The following ARHGEF1 variants were observed in gnomAD, a reference collection of about 807,000 sequenced individuals.
ARHGEF1 encodes 115 kDa guanine nucleotide exchange factor.
Under a neutral mutation model 119.7 loss-of-function variants are expected in ARHGEF1, and 40 were observed. The ratio of observed to expected loss-of-function variants is 0.33; its 90% confidence interval spans 0.26 to 0.44. The LOEUF (loss-of-function observed/expected upper bound fraction) is 0.44, where lower values mean the gene tolerates loss of function less well. Among genes scored for constraint, ARHGEF1 ranks in the 20% least tolerant of loss-of-function variants. ARHGEF1 has a pLI of 1.00. For synonymous variants in ARHGEF1, 494 were observed against 521.0 expected (o/e 0.95, Z 0.71); for missense variants, 976 against 1,268.3 (o/e 0.77, Z 3.50).
exon 3 of ARHGEF1, chr19:41,930,057 G>T (rs2074895619): frequency 6.6e-6 from 1 of 152,258 alleles, no homozygotes; most frequent in South Asian, 2.1e-4. Flanking sequence ...AGCTGGTACT[G>T]CACCAAGTAC....
Position 41,894,791 on chromosome 19 carries a change from G to A in ARHGEF1, c.877+130G>A, listed in dbSNP as rs1220948796. The A allele has an allele frequency of 1.2e-5, 13 of 1,105,354 alleles. No individual in the cohort carries two copies. In the African/African-American group the frequency reaches 1.6e-4, roughly 13 times the overall value. 68.5% of individuals were successfully genotyped at this position (1,105,354 alleles called of 1,614,324 possible). On this transcript the variant is annotated intron_variant, in intron 11 of 28. Transcript: ENST00000354532. ...GGTTCTGAGGGAGGAGGGGATGGGG[G>A]CCTGGACACCTGGGTCTGAGGGAGG...
chr19:41,926,463 C>G (rs2074870919), intron 1 of ARHGEF1, among the ~76,000 whole-genome samples: 1 of 152,072 alleles, frequency 6.6e-6, no homozygotes, highest in Non-Finnish European at 1.5e-5. Context: ...AGGTTAGTTA[C>G]CTGAGGCCAC....
chr19:41,916,075 T>C lies in ARHGEF1; in HGVS notation c.1866-7017T>C, dbSNP rs1184160632. Among the ~76,000 whole-genome samples the C allele has an allele frequency of 2.6e-5, 4 of 151,824 alleles. No homozygotes were observed. The highest frequency in any genetic ancestry group is 4.4e-5 in the Non-Finnish European group (3 of 67,958). On this transcript the variant is annotated intron_variant, in intron 18 of 20. Transcript: ENST00000599589. This position sits in a 1 kb window ranked among gnomAD's most constrained non-coding sequence, Gnocchi z 5.4. The stretch of plus-strand genomic sequence containing the variant: ...CCATGGCACCGAATGTGTGTGCGCA[T>C]GTGAGCGAAGCGGTGTGCAGAGGCG...
downstream of ARHGEF1, chr19:41,909,193 G>T: frequency 8.1e-7 from 1 of 1,231,562 alleles, no homozygotes; most frequent in Non-Finnish European, 1.0e-6. The surrounding 1 kb of genome is among the most constrained non-coding windows in gnomAD (Gnocchi z 5.2). Context: ...GAGGGAGTGG[G>T]AGAAGCCGCC....
At chr19:41,913,289 C>T (rs1555851428) in intron 18 of ARHGEF1, among the ~76,000 whole-genome samples, 4 of 150,698 alleles carry the variant, frequency 2.7e-5, no homozygotes, top group African/African-American at 2.4e-5. Context: ...GCCGCTCGCG[C>T]CCCGCACCGT....
intron 1 of ARHGEF1, among the ~76,000 whole-genome samples, chr19:41,926,185 G>T (rs1048385390): frequency 1.1e-4 from 17 of 151,970 alleles, no homozygotes; most frequent in Non-Finnish European, 1.5e-5. Context: ...TAGAGAACAG[G>T]TATTACCTGG....
chr19:41,893,075 C>T (rs2074403862), intron 7 of ARHGEF1, 199 bp from the exon 8 acceptor site: 7 of 1,001,324 alleles, frequency 7.0e-6, no homozygotes, highest in Non-Finnish European at 8.6e-6. Flanking sequence ...TGTCCATGAT[C>T]TGGCACTTGG....
Position 41,905,487 on chromosome 19 carries a change from G to A in ARHGEF1, c.2336+226G>A, listed in dbSNP as rs994883899. On this transcript the variant is annotated intron_variant, in intron 24 of 28. Coordinates refer to ENST00000354532, the MANE Select transcript of ARHGEF1 (RefSeq NM_004706.4). This position sits in a 1 kb window ranked among gnomAD's most constrained non-coding sequence, Gnocchi z 6.4. ...GCATGTGTGTGCGTGTATGGTGTGT[G>A]TGTATGCATATGTGTGCATGCGTGT... 8.1e-6 allele frequency: 5 copies of A among 613,956 alleles called. No individual in the cohort carries two copies. The highest frequency in any genetic ancestry group is 2.0e-5 in the South Asian group (1 of 51,052). 38.0% of individuals were successfully genotyped at this position (613,956 alleles called of 1,614,324 possible).
At chr19:41,911,202 A>ACATGCAGAGGGGAGTACTCCACTGTCCG (rs1599671604), downstream of ARHGEF1, among the ~76,000 whole-genome samples, 1 of 151,960 alleles carries the variant, frequency 6.6e-6, no homozygotes, top group East Asian at 1.9e-4. Flanking sequence ...TCCACTGTCC[A>ACATGCAGAGGGGAGTACTCCACTGTCCG]CATACCCCCA....
rs2074616505 is a variant in ARHGEF1 at position 41,902,267 on chromosome 19, C to T, written c.1415-7C>T. The T allele has an allele frequency of 1.9e-6, 3 of 1,614,002 alleles. No individual in the cohort carries two copies. Among genetic ancestry groups the T allele is most frequent in the Non-Finnish European group, 2.5e-6 (3 of 1,179,990 alleles). On this transcript the variant is annotated splice_region_variant and splice_polypyrimidine_tract_variant and intron_variant, in intron 15 of 28. Transcript: ENST00000354532. This position sits in a 1 kb window ranked among gnomAD's most constrained non-coding sequence, Gnocchi z 6.5. ...GGTGGAGCATCCCTTTCCTCCTGCC[C>T]CCACAGCCCTGTTCCTCGATCGCCT...
upstream of ARHGEF1, among the ~76,000 whole-genome samples, chr19:41,921,102 C>T (rs556359723): frequency 3.9e-4 from 60 of 152,252 alleles, no homozygotes; most frequent in African/African-American, 1.3e-3. The surrounding 1 kb of genome is among the most constrained non-coding windows in gnomAD (Gnocchi z 4.4). Context: ...CCACGCACCC[C>T]GCCTACCAAA....
In ARHGEF1 at chr19:41,892,309, C is replaced by T. The variant is rs781975788; in HGVS notation, c.325-22C>T. 1.9e-6 allele frequency: 3 copies of T among 1,613,532 alleles called. No individual in the cohort carries two copies. The South Asian group carries it at 3.3e-5, about 18-fold the overall frequency. ...TCAGCACACCAAGTCCTCCTCTTCA[C>T]CCCATTCTCTCTCTTGAGCAGGTTC... On this transcript the variant is annotated intron_variant, in intron 5 of 28. Coordinates refer to ENST00000354532, the MANE Select transcript of ARHGEF1 (RefSeq NM_004706.4). The surrounding 1 kb of genome is among the most constrained non-coding windows in gnomAD (Gnocchi z 6.3).
intron 2 of ARHGEF1, among the ~76,000 whole-genome samples, chr19:41,929,160 T>C (rs1555853631): frequency 1.3e-5 from 2 of 150,736 alleles, no homozygotes; most frequent in Non-Finnish European, 3.0e-5. Context: ...GAGAAACATA[T>C]GCACAAACAC....
chr19:41,896,436 T>G lies in ARHGEF1; in HGVS notation c.1075T>G (p.Ser359Ala). The change falls in exon 13 of 29, where the codon TCC (serine) becomes GCC (alanine). Residue 359 changes from serine to alanine, a missense_variant. Physicochemically the swap from Ser to Ala is moderately conservative, Grantham distance 99. Around this residue, in one of 3 missense-constraint regions of ARHGEF1, gnomAD observed 519 missense variants for 580.9 expected, o/e 0.89. Transcript: ENST00000354532. ...CCCGCAGGGCCCAATGAGCCTGGAG[T>G]CCTTGGCGCCCCCAGAGAGTACCGA... ...SSPQGPMSLE[S>A]LAPPESTDEG... 2 of 1,461,184 alleles carry G rather than the reference T, an allele frequency of 1.4e-6. No homozygotes were observed. The highest frequency in any genetic ancestry group is 2.5e-5 in the East Asian group (1 of 40,152). The allele number at this position is 1,461,184 out of a possible 1,614,324, so 90.5% of individuals were successfully genotyped here. A position where few individuals can be genotyped will look rare whatever the true frequency, so the allele number is the denominator to read the frequency against.
chr19:41,893,309 G>T lies in ARHGEF1; in HGVS notation c.644+6G>T, dbSNP rs782612208. On this transcript the variant is annotated splice_donor_region_variant and intron_variant, in intron 8 of 28. Coordinates refer to ENST00000354532, the MANE Select transcript of ARHGEF1 (RefSeq NM_004706.4). ...TCTACCGACGAAGAAAAGAGGTGAG[G>T]GGGGCAGGGGAGGCGTGCGGCCTCC... The T allele has an allele frequency of 4.4e-6, 7 of 1,607,296 alleles. No homozygotes were observed. The Admixed American group carries it at 1.2e-4, about 27-fold the overall frequency.
intron 18 of ARHGEF1, among the ~76,000 whole-genome samples, chr19:41,914,347 GTCTC>G (rs1260692619): frequency 1.4e-5 from 2 of 144,070 alleles, no homozygotes; most frequent in African/African-American, 2.6e-5. Context: ...TTCCATTTCT[GTCTC>G]TCTCCTCCAC....
At position 41,906,677 on chromosome 19, in the gene ARHGEF1, C is replaced by G; in HGVS notation, c.2656-26C>G. 1 of 1,600,042 alleles carries G rather than the reference C, an allele frequency of 6.2e-7. No individual in the cohort carries two copies. Among genetic ancestry groups the G allele is most frequent in the Non-Finnish European group, 8.5e-7 (1 of 1,175,272 alleles). ...TGGGCTGGGGAAGGAAGGGGCCCCC[C>G]TCATCCATGACCCCCACCCCACCAG... On this transcript the variant is annotated intron_variant, in intron 27 of 28. Coordinates refer to ENST00000354532, the MANE Select transcript of ARHGEF1 (RefSeq NM_004706.4). The surrounding 1 kb of genome is among the most constrained non-coding windows in gnomAD (Gnocchi z 4.5).
Position 41,888,731 on chromosome 19 carries a change from C to A in ARHGEF1, c.112-21C>A. The A allele has an allele frequency of 6.2e-7, 1 of 1,609,792 alleles. No individual in the cohort carries two copies. The highest frequency in any genetic ancestry group is 1.1e-5 in the South Asian group (1 of 90,932). On this transcript the variant is annotated intron_variant, in intron 3 of 28. Transcript: ENST00000354532. This position sits in a 1 kb window ranked among gnomAD's most constrained non-coding sequence, Gnocchi z 5.1. ...CCCCTCCTCTTCTCCCCATTGTACTCACCCCTTCCTGCACCCCCAGAACTC... is the reference window on the plus strand; with the variant it reads ...CCCCTCCTCTTCTCCCCATTGTACTAACCCCTTCCTGCACCCCCAGAACTC...
In ARHGEF1 at chr19:41,906,319, C is replaced by A. The variant is rs2074694625; in HGVS notation, c.2492-138C>A. ...TCACTTCTTCACCTCCCTTTGGATC[C>A]CCGAACCCCATCTGCTCAGCCTTGC... On this transcript the variant is annotated intron_variant, in intron 26 of 28. Coordinates refer to ENST00000354532, the MANE Select transcript of ARHGEF1 (RefSeq NM_004706.4). This position sits in a 1 kb window ranked among gnomAD's most constrained non-coding sequence, Gnocchi z 4.5. The A allele has an allele frequency of 1.1e-6, 1 of 881,910 alleles. No homozygotes were observed. The highest frequency in any genetic ancestry group is 1.7e-6 in the Non-Finnish European group (1 of 580,960). 54.6% of individuals were successfully genotyped at this position (881,910 alleles called of 1,614,324 possible). A position where few individuals can be genotyped will look rare whatever the true frequency, so the allele number is the denominator to read the frequency against.
Sources: allele counts gnomAD v4.1 joint callset (sites outside exome capture counted in the v4.1 genomes callset), GRCh38; gene constraint gnomAD v4.1.1; regional missense constraint gnomAD v4.1.1; non-coding constraint Gnocchi (gnomAD v3.1); transcripts MANE v1.5; gene names NCBI Gene and HGNC (gene_info 2026-07-23, HGNC 2026-07-21).